ZFAT: variants seen among roughly 807,000 people sequenced by gnomAD.
ZFAT encodes the protein zinc finger protein ZFAT.
A neutral mutation model predicts 117.7 loss-of-function variants in ZFAT; 64 were observed. That is an observed-to-expected ratio of 0.54 (90% CI 0.44 to 0.67). The LOEUF (loss-of-function observed/expected upper bound fraction) is 0.67, where lower values mean the gene tolerates loss of function less well. Ranked by LOEUF, ZFAT falls within the 30% of genes least tolerant of loss-of-function variation. ZFAT has a pLI of 0.00. For synonymous variants in ZFAT, 679 were observed against 615.0 expected, an observed-to-expected ratio of 1.10 and a Z score of -1.54; for missense variants, 1,433 against 1,584.5, an observed-to-expected ratio of 0.90 and a Z score of 1.62.
chr8:134,550,319 A>AAAAAAAAAAC (rs1823048309), intron 11 of ZFAT, among the ~76,000 whole-genome samples: 1 of 150,830 alleles, frequency 6.6e-6, no homozygotes, highest in Non-Finnish European at 1.5e-5. Context: ...GGAAAAAAAA[A>AAAAAAAAAAC]AAAAAAAAAA....
At chr8:134,742,552 G>A in the ZFAT span, among the ~76,000 whole-genome samples, 1 of 152,098 alleles carries the variant, frequency 6.6e-6, no homozygotes, top group East Asian at 1.9e-4. Context: ...TCAGATTCCT[G>A]AGCACAGTGG....
chr8:134,788,413 G>A, the ZFAT span, among the ~76,000 whole-genome samples: 1 of 152,054 alleles, frequency 6.6e-6, no homozygotes, highest in Non-Finnish European at 1.5e-5. Context: ...GAGTAGTTGC[G>A]GGTTTCTCTA....
intron 3 of ZFAT, among the ~76,000 whole-genome samples, chr8:134,621,012 G>A (rs1349369608): frequency 6.6e-6 from 1 of 151,978 alleles, no homozygotes; most frequent in African/African-American, 2.4e-5. Flanking sequence ...TAATTCTAAG[G>A]TAGTATTTTG....
At chr8:134,645,001 G>A (rs987602892) in intron 2 of ZFAT, among the ~76,000 whole-genome samples, 7 of 151,918 alleles carry the variant, frequency 4.6e-5, no homozygotes, top group Non-Finnish European at 8.8e-5. Context: ...TCACACACAC[G>A]CACATGGGAT....
At position 134,711,504 on chromosome 8, in the gene ZFAT, C is replaced by A. The variant is rs111581637; in HGVS notation, c.19+1341G>T. ...CACAGCTAATCAGCGCACCTGTGGT[C>A]ACAGCTACTTGGCAGGCTGAGGCGG... On this transcript the variant is annotated intron_variant, in intron 1 of 15. Transcript: ENST00000377838. 1.5e-3 allele frequency among the ~76,000 whole-genome samples: 230 copies of A among 152,306 alleles called. 1 individual carries two copies. Among genetic ancestry groups the A allele is most frequent in the African/African-American group, 5.3e-3 (222 of 41,560 alleles).
At position 134,532,956 on chromosome 8, in the gene ZFAT, T is replaced by C. The variant is rs1410251940; in HGVS notation, c.2993A>G (p.His998Arg). Residue 998 changes from histidine (H) to arginine (R), a missense_variant, in exon 12 of 16, where the codon CAT (histidine) becomes CGT (arginine). Around this residue, in one of 5 missense-constraint regions of ZFAT, gnomAD observed 503 missense variants for 543.4 expected, o/e 0.93. Transcript: ENST00000377838. ...AGATATGTTGCAGGAGTAATGGCAATGGGCACAGCGGAAAGGCTGCGGGGA... is the reference window on the plus strand; with the variant it reads ...AGATATGTTGCAGGAGTAATGGCAACGGGCACAGCGGAAAGGCTGCGGGGA... ...HVSFKPFRCA[H>R]CHYSCNISGS... 1.0e-5 allele frequency: 16 copies of C among 1,605,848 alleles called. No homozygotes were observed. The highest frequency in any genetic ancestry group is 5.1e-5 in the Admixed American group (3 of 58,862).
the ZFAT span, among the ~76,000 whole-genome samples, chr8:134,762,011 T>TGTGTGTGC: frequency 1.7e-3 from 248 of 150,132 alleles, 1 homozygote; most frequent in African/African-American, 4.9e-3. Flanking sequence ...TGTGTGTGTG[T>TGTGTGTGC]GCAAATGTGT....
chr8:134,712,362 C>T (rs934352997), intron 1 of ZFAT, among the ~76,000 whole-genome samples: 2 of 152,220 alleles, frequency 1.3e-5, no homozygotes, highest in African/African-American at 4.8e-5. Context: ...GGTTAAATGA[C>T]TTGCACCGGG....
chr8:134,509,527 A>G (rs1786224702), intron 15 of ZFAT, 92 bp downstream of exon 15: 3 of 1,560,880 alleles, frequency 1.9e-6, no homozygotes. Context: ...GTTCTACCTC[A>G]GGTAAGTTAA....
In ZFAT at chr8:134,608,785, G is replaced by C; in HGVS notation, c.729C>G (p.Gly243=). ...TCTGCTGAATGGCGTATTCCTGGTA[G>C]CCTCTCCGAGGCACCAGGTCTGCTG... The part of the protein sequence containing the change: ...TTSADLVPRR[G]YQEYAIQQTP... Residue 243 remains glycine, a synonymous_variant, in exon 5 of 16, where the codon GGC becomes GGG. Transcript: ENST00000377838. 2 of 1,610,586 alleles carry C rather than the reference G, an allele frequency of 1.2e-6. No individual in the cohort carries two copies. Among genetic ancestry groups the C allele is most frequent in the Non-Finnish European group, 1.7e-6 (2 of 1,178,728 alleles).
At chr8:134,550,136 G>A (rs1195503904) in intron 11 of ZFAT, among the ~76,000 whole-genome samples, 3 of 152,076 alleles carry the variant, frequency 2.0e-5, no homozygotes, top group Non-Finnish European at 4.4e-5. Context: ...TCACACTCTG[G>A]TCTATAATCC....
At chr8:134,785,494 GC>G in the ZFAT span, 5 of 148,188 alleles carry the variant, frequency 3.4e-5, no homozygotes, top group Admixed American at 6.8e-5. Flanking sequence ...TGGTATTCCC[GC>G]CCCCTCCCCC....
At chr8:134,612,492 G>A (rs143714896) in intron 3 of ZFAT, among the ~76,000 whole-genome samples, 82 of 152,318 alleles carry the variant, frequency 5.4e-4, no homozygotes, top group African/African-American at 1.9e-3. Flanking sequence ...AGGCTGGTTC[G>A]AGGAAAGCTC....
the ZFAT span, among the ~76,000 whole-genome samples, chr8:134,759,984 A>AAC: frequency 4.0e-5 from 6 of 149,058 alleles, no homozygotes; most frequent in African/African-American, 1.5e-4. Flanking sequence ...AAAAAAAAAA[A>AAC]AAAAAACAAA....
Position 134,573,573 on chromosome 8 carries a change from T to G in ZFAT, c.2888-8152A>C, listed in dbSNP as rs1325493186. On this transcript the variant is annotated intron_variant, in intron 10 of 15. Transcript: ENST00000377838. ...CCACTGCAGACACCGCAGCTCTTTC[T>G]GGAAATACAGTGTTTCACTAGCAGC... 6.6e-5 allele frequency among the ~76,000 whole-genome samples: 10 copies of G among 152,336 alleles called. No homozygotes were observed. The East Asian group carries it at 1.7e-3, about 26-fold the overall frequency.
intron 2 of ZFAT, among the ~76,000 whole-genome samples, chr8:134,651,077 C>T (rs1831207871): frequency 6.6e-6 from 1 of 152,180 alleles, no homozygotes; most frequent in African/African-American, 2.4e-5. Context: ...ATGCTGTTGA[C>T]TGAAATGTTT....
At chr8:134,565,078 C>T (rs947957085) in intron 11 of ZFAT, 10 of 1,457,744 alleles carry the variant, frequency 6.9e-6, no homozygotes, top group East Asian at 5.9e-5. Flanking sequence ...ATGCAAAGAT[C>T]GTGCCTTTTC....
Position 134,593,169 on chromosome 8 carries a change from A to G in ZFAT, c.2476-2814T>C, listed in dbSNP as rs957524361. ...GTGCCCGCATCATCAGAGTTGATGG[A>G]GGCATTCAGAAGGGCTTTGCAGGAG... On this transcript the variant is annotated intron_variant, in intron 7 of 15. Transcript: ENST00000377838. Among the ~76,000 whole-genome samples the G allele has an allele frequency of 3.3e-5, 5 of 152,166 alleles. No homozygotes were observed. The South Asian group carries it at 1.0e-3, about 32-fold the overall frequency.
At chr8:134,753,849 C>T in the ZFAT span, among the ~76,000 whole-genome samples, 54,191 of 151,994 alleles carry the variant, frequency 0.36, 9,955 homozygotes, top group Admixed American at 0.44. Context: ...GTTACGGTGG[C>T]GTAATTATGT....
Sources: allele counts gnomAD v4.1 joint callset (sites outside exome capture counted in the v4.1 genomes callset), GRCh38; gene constraint gnomAD v4.1.1; regional missense constraint gnomAD v4.1.1; transcripts MANE v1.5; gene names NCBI Gene and HGNC (gene_info 2026-07-23, HGNC 2026-07-21).